Variants in TMPO observed in about 807,000 individuals in gnomAD.
TMPO encodes the protein LEM domain containing 4.
A neutral mutation model predicts 45.4 loss-of-function variants in TMPO; 22 were observed. That is an observed-to-expected ratio of 0.48 (90% CI 0.35 to 0.69). TMPO has a LOEUF of 0.69. Among genes scored for constraint, TMPO ranks in the 30% least tolerant of loss-of-function variants. The pLI, the probability that TMPO is intolerant of heterozygous loss-of-function variation, is 0.01. For synonymous variants in TMPO, 241 were observed against 204.1 expected, an observed-to-expected ratio of 1.18 and a Z score of -1.54; for missense variants, 512 against 548.8, an observed-to-expected ratio of 0.93 and a Z score of 0.67.
At chr12:98,520,272 CCCTTCCTTCCTT>C (rs372564327) in intron 1 of TMPO, among the ~76,000 whole-genome samples, 57 of 107,206 alleles carry the variant, frequency 5.3e-4, no homozygotes, top group East Asian at 1.0e-3. Flanking sequence ...CCATATTTTT[CCCTTCCTTCCTT>C]CCTTCCTTCC....
Position 98,515,913 on chromosome 12 carries a change from T to C in TMPO, c.46T>C (p.Leu16=). 4 of 1,613,490 alleles carry C rather than the reference T, an allele frequency of 2.5e-6. No individual in the cohort carries two copies. The highest frequency in any genetic ancestry group is 2.2e-5 in the East Asian group (1 of 44,846). ...CCCCTCGGTCCTGACAAAAGACAAG[T>C]TGAAGAGTGAGTTGGTCGCCAACAA... The part of the protein sequence containing the change: ...EDPSVLTKDK[L]KSELVANNVT... The change falls in exon 1 of 9, where the codon TTG becomes CTG. Residue 16 remains leucine (L), a synonymous_variant. Coordinates refer to ENST00000556029, the MANE Select transcript of TMPO (RefSeq NM_001032283.3).
In TMPO at chr12:98,535,315, A is replaced by G. The variant is rs867372792; in HGVS notation, c.566-2160A>G. 1.6e-4 allele frequency: 155 copies of G among 982,900 alleles called. 2 individuals are homozygous for G. In the Middle Eastern group the frequency reaches 4.2e-3, roughly 27 times the overall value. 60.9% of individuals were successfully genotyped at this position (982,900 alleles called of 1,614,324 possible). A position where few individuals can be genotyped will look rare whatever the true frequency, so the allele number is the denominator to read the frequency against. On this transcript the variant is annotated intron_variant, in intron 3 of 8. Transcript: ENST00000556029. ...ATAAGAAATTATACTATATCCCAGT[A>G]TCTGTATGTCTGTATAAAGCAGTGT...
rs371731646 is a variant in TMPO, at chr12:98,533,619, C to T, written c.565+1781C>T. On this transcript the variant is annotated intron_variant, in intron 3 of 8. Transcript: ENST00000556029. ...TGGCATTTCAGAACATACCTGGATC[C>T]GAACTGATGTCTTCTTTTGCCAAAA... 3.2e-5 allele frequency: 52 copies of T among 1,613,978 alleles called. No homozygotes were observed. The highest frequency in any genetic ancestry group is 4.2e-5 in the Non-Finnish European group (49 of 1,180,010).
chr12:98,538,456 G>A (rs1330489431), intron 4 of TMPO, among the ~76,000 whole-genome samples: 3 of 152,046 alleles, frequency 2.0e-5, no homozygotes, highest in Admixed American at 2.0e-4. Context: ...GGGCTCAAGC[G>A]ATTCTCCTGC....
rs139576816 is a variant in TMPO, at chr12:98,516,098, C to T, written c.231C>T (p.Leu77=). 6.3e-6 allele frequency: 10 copies of T among 1,576,294 alleles called. No individual in the cohort carries two copies. Among genetic ancestry groups the T allele is most frequent in the African/African-American group, 1.4e-5 (1 of 73,912 alleles). ...SDEEREPTPV[L]GSGAAAAGRS... is the part of the protein sequence containing the mutation. Reference sequence around the variant, plus strand: ...AAGAGCGCGAGCCCACCCCGGTCCTCGGCTCTGGGGCCGCCGCCGCGGGCC... The same window carrying T: ...AAGAGCGCGAGCCCACCCCGGTCCTTGGCTCTGGGGCCGCCGCCGCGGGCC... Residue 77 remains leucine (L), a synonymous_variant, in exon 1 of 9, where the codon CTC becomes CTT. Transcript: ENST00000556029.
intron 3 of TMPO, chr12:98,532,820 C>T: frequency 6.2e-7 from 1 of 1,614,128 alleles, no homozygotes; most frequent in Non-Finnish European, 8.5e-7. Context: ...TTTGCCTCTA[C>T]AGGAAAGAAG....
At chr12:98,517,331 G>A (rs566440977) in intron 1 of TMPO, among the ~76,000 whole-genome samples, 2 of 152,298 alleles carry the variant, frequency 1.3e-5, no homozygotes, top group Admixed American at 1.3e-4. Context: ...TTTACCTGTG[G>A]ATTTTAATAT....
intron 2 of TMPO, 133 bp from the exon 3 acceptor site, chr12:98,531,547 A>AT (rs919908329): frequency 0.023 from 17,236 of 738,676 alleles, 2 homozygotes; most frequent in South Asian, 0.027. Flanking sequence ...ATTATATGGT[A>AT]TTTTTTTTTT....
intron 2 of TMPO, 144 bp from the exon 3 acceptor site, chr12:98,531,536 C>T (rs995989366): frequency 3.1e-5 from 27 of 884,128 alleles, no homozygotes; most frequent in Admixed American, 4.8e-5. Context: ...TGTCTGGCCG[C>T]ATTATATGGT....
Position 98,547,594 on chromosome 12 carries a change from C to G in TMPO, c.1101C>G (p.Ile367Met). 1 of 1,614,146 alleles carries G rather than the reference C, an allele frequency of 6.2e-7. No individual in the cohort carries two copies. Among genetic ancestry groups the G allele is most frequent in the Non-Finnish European group, 8.5e-7 (1 of 1,180,020 alleles). Residue 367 changes from isoleucine (I) to methionine (M), a missense_variant, in exon 9 of 9, where the codon ATC becomes ATG. By Grantham distance (10) the Ile-to-Met change is conservative (BLOSUM62 1). Coordinates refer to ENST00000556029, the MANE Select transcript of TMPO (RefSeq NM_001032283.3). ...TGISASCRRPIKGAAGRPLEL... is the reference protein window; with the variant it reads ...TGISASCRRPMKGAAGRPLEL... ...ACAGTGCTAGTTGCCGCAGACCAAT[C>G]AAAGGGGCTGCAGGCCGGCCATTAG...
chr12:98,537,365 T>A, intron 3 of TMPO, 110 bp from the exon 4 acceptor site: 1 of 866,518 alleles, frequency 1.2e-6, no homozygotes, highest in South Asian at 1.6e-5. Context: ...AGTAGACTTG[T>A]TTTTCACCTT....
intron 7 of TMPO, among the ~76,000 whole-genome samples, chr12:98,545,550 T>A (rs1347154868): frequency 6.6e-6 from 1 of 152,190 alleles, no homozygotes; most frequent in Non-Finnish European, 1.5e-5. Context: ...GCCGAAACAT[T>A]TATTATTTTG....
At chr12:98,533,511 A>G in intron 3 of TMPO, 1 of 1,614,190 alleles carries the variant, frequency 6.2e-7, no homozygotes, top group Non-Finnish European at 8.5e-7. Context: ...CTAAGTTTCA[A>G]GAAACTGAAT....
In TMPO at chr12:98,537,550, A is replaced by C; in HGVS notation, c.641A>C (p.Gln214Pro). Reference sequence around the variant, plus strand: ...GCAAAGACTCCAGTAACACTCAAGCAAAGAAGAGTTGAGCACAATCAGGTA... The same window carrying C: ...GCAAAGACTCCAGTAACACTCAAGCCAAGAAGAGTTGAGCACAATCAGGTA... The part of the protein sequence containing the change: ...GRAKTPVTLK[Q>P]RRVEHNQSYS... Residue 214 changes from glutamine to proline, a missense_variant, in exon 4 of 9, where the codon CAA becomes CCA. By Grantham distance (76) the Gln-to-Pro change is moderately conservative. Around this residue, in one of 3 missense-constraint regions of TMPO, gnomAD observed 299 missense variants for 296.7 expected, o/e 1.01. Transcript: ENST00000556029. 1 of 1,613,412 alleles carries C rather than the reference A, an allele frequency of 6.2e-7. No homozygotes were observed. The highest frequency in any genetic ancestry group is 8.5e-7 in the Non-Finnish European group (1 of 1,179,558).
chr12:98,516,118 C>T lies in TMPO; in HGVS notation c.251C>T (p.Ala84Val), dbSNP rs769379071. 1.3e-6 allele frequency: 2 copies of T among 1,493,124 alleles called. No individual in the cohort carries two copies. Among genetic ancestry groups the T allele is most frequent in the South Asian group, 2.6e-5 (2 of 77,226 alleles). 92.5% of individuals were successfully genotyped at this position (1,493,124 alleles called of 1,614,324 possible). ...TPVLGSGAAA[A>V]GRSRAAVGRK... Reference sequence around the variant, plus strand: ...GTCCTCGGCTCTGGGGCCGCCGCCGCGGGCCGGAGCCGAGCAGCCGTCGGC... The same window carrying T: ...GTCCTCGGCTCTGGGGCCGCCGCCGTGGGCCGGAGCCGAGCAGCCGTCGGC... Residue 84 changes from alanine to valine, a missense_variant, in exon 1 of 9, where the codon GCG (alanine) becomes GTG (valine). Physicochemically the swap from Ala to Val is moderately conservative, Grantham distance 64. Coordinates refer to ENST00000556029, the MANE Select transcript of TMPO (RefSeq NM_001032283.3).
Position 98,549,344 on chromosome 12 carries a change from C to G in TMPO, c.*1486C>G, listed in dbSNP as rs932607469. 5 of 152,124 alleles carry G rather than the reference C, an allele frequency of 3.3e-5. No homozygotes were observed. Among genetic ancestry groups the G allele is most frequent in the Non-Finnish European group, 7.3e-5 (5 of 68,096 alleles). 9.4% of individuals were successfully genotyped at this position (152,124 alleles called of 1,614,324 possible). ...GGTTCAAGCAATTTTCCTGCCTCGG[C>G]AGAGACGGGGTTTCACCATGTTGGC... On this transcript the variant is annotated 3_prime_UTR_variant, in exon 9 of 9. Coordinates refer to ENST00000556029, the MANE Select transcript of TMPO (RefSeq NM_001032283.3).
chr12:98,531,480 C>G (rs999163849), intron 2 of TMPO, among the ~76,000 whole-genome samples, 200 bp from the exon 3 acceptor site: 1 of 151,898 alleles, frequency 6.6e-6, no homozygotes, highest in African/African-American at 2.4e-5. Flanking sequence ...AGTAATGTAC[C>G]CGCCTCAGCC....
At chr12:98,525,869 T>C (rs887114090) in intron 1 of TMPO, among the ~76,000 whole-genome samples, 2 of 152,154 alleles carry the variant, frequency 1.3e-5, no homozygotes, top group African/African-American at 4.8e-5. Context: ...TATTGGAAAG[T>C]GAGCATTCCA....
intron 1 of TMPO, among the ~76,000 whole-genome samples, chr12:98,523,469 A>C (rs961229073): frequency 1.3e-5 from 2 of 151,728 alleles, no homozygotes; most frequent in African/African-American, 4.8e-5. Flanking sequence ...GAGGCAGGAG[A>C]ATCTCTTGAA....
Sources: allele counts gnomAD v4.1 joint callset (sites outside exome capture counted in the v4.1 genomes callset), GRCh38; gene constraint gnomAD v4.1.1; regional missense constraint gnomAD v4.1.1; transcripts MANE v1.5; gene names NCBI Gene and HGNC (gene_info 2026-07-23, HGNC 2026-07-21).